Variants in GAPVD1 observed in about 807,000 individuals in gnomAD.
The protein encoded by GAPVD1 is GTPase activating protein and VPS9 domains 1.
In GAPVD1, 35 loss-of-function variants were observed where a neutral mutation model predicts 155.5. The ratio of observed to expected loss-of-function variants is 0.23; its 90% CI spans 0.17 to 0.30. The LOEUF (loss-of-function observed/expected upper bound fraction) is 0.30. Ranked by LOEUF, GAPVD1 falls within the 10% of genes least tolerant of loss-of-function variation. The pLI is 1.00. For missense variants in GAPVD1, 1,429 were observed against 1,775.7 expected (o/e 0.80, Z 3.51); for synonymous variants, 636 against 619.7 (o/e 1.03, Z -0.39).
At chr9:125,264,519 G>C (rs932694975) in intron 1 of GAPVD1, among the ~76,000 whole-genome samples, 15 of 151,894 alleles carry the variant, frequency 9.9e-5, no homozygotes, top group Non-Finnish European at 2.1e-4. Context: ...TGAAAGAATA[G>C]ACCATAGATA....
At chr9:125,268,502 T>G (rs1178526094) in intron 1 of GAPVD1, among the ~76,000 whole-genome samples, 2 of 149,544 alleles carry the variant, frequency 1.3e-5, no homozygotes, top group African/African-American at 2.5e-5. Context: ...ATTGTTTTTT[T>G]TTTTTTTTTT....
At chr9:125,333,550 G>T (rs143135328) in intron 15 of GAPVD1, among the ~76,000 whole-genome samples, 9 of 146,108 alleles carry the variant, frequency 6.2e-5, no homozygotes, top group Non-Finnish European at 1.3e-4. Flanking sequence ...GTGCAATGGC[G>T]CAATCTCGGC....
intron 2 of GAPVD1, among the ~76,000 whole-genome samples, chr9:125,285,634 A>G (rs980500979): frequency 1.2e-4 from 18 of 150,570 alleles, no homozygotes; most frequent in Admixed American, 4.0e-4. Flanking sequence ...TAATTTTTCT[A>G]TTTTTGGTTA....
At position 125,354,745 on chromosome 9, in the gene GAPVD1, T is replaced by C. The variant is rs776323578; in HGVS notation, c.3661T>C (p.Leu1221=). 38 of 1,613,668 alleles carry C rather than the reference T, an allele frequency of 2.4e-5. No individual in the cohort carries two copies. The Admixed American group carries it at 6.2e-4, about 26-fold the overall frequency. Reference sequence around the variant, plus strand: ...CCTGGAAAGGCTATTGCAAAGAGTTTTGCGGGACAAAGAAGTGGCCAATCG... The same window carrying C: ...CCTGGAAAGGCTATTGCAAAGAGTTCTGCGGGACAAAGAAGTGGCCAATCG... ...AHLERLLQRV[L]RDKEVANRYF... Residue 1221 remains leucine (L), a synonymous_variant, in exon 24 of 28, where the codon TTG becomes CTG. Transcript: ENST00000297933.
At chr9:125,270,155 A>G (rs771291652) in intron 2 of GAPVD1, among the ~76,000 whole-genome samples, 1 of 152,018 alleles carries the variant, frequency 6.6e-6, no homozygotes, top group Non-Finnish European at 1.5e-5. Context: ...CTGGCCAGGC[A>G]TGGTGGCTCA....
intron 6 of GAPVD1, 73 bp downstream of exon 6, chr9:125,305,222 TC>T: frequency 1.1e-6 from 1 of 938,672 alleles, no homozygotes; most frequent in Non-Finnish European, 1.7e-6. Flanking sequence ...TTAAATCTTG[TC>T]CTTAGGTGAT....
At chr9:125,331,772 TAATC>T (rs2131813849) in intron 13 of GAPVD1, among the ~76,000 whole-genome samples, 150 bp from the exon 14 acceptor site, 1 of 152,366 alleles carries the variant, frequency 6.6e-6, no homozygotes, top group South Asian at 2.1e-4. Context: ...ACTTAACACT[TAATC>T]TAACTAGCAT....
At chr9:125,265,024 A>G (rs1250548438) in intron 1 of GAPVD1, among the ~76,000 whole-genome samples, 1 of 152,102 alleles carries the variant, frequency 6.6e-6, no homozygotes, top group African/African-American at 2.4e-5. Context: ...TGGCCATCTT[A>G]CATTTTTTAA....
intron 6 of GAPVD1, 68 bp from the exon 7 acceptor site, chr9:125,307,345 C>A: frequency 8.9e-7 from 1 of 1,118,454 alleles, no homozygotes; most frequent in Non-Finnish European, 1.2e-6. Context: ...GCTTGTCCAC[C>A]TTAATGAGAA....
rs199683264 is a variant in GAPVD1 at position 125,307,897 on chromosome 9, G to T, written c.1441+17G>T. ...TACCTATAGGTAAAGAGAATTTCTC[G>T]TATTGGAGCTTTCTCTTAAATCTAA... On this transcript the variant is annotated intron_variant, in intron 8 of 27. Coordinates refer to ENST00000297933, the MANE Select transcript of GAPVD1 (RefSeq NM_001282680.3). 215 of 1,511,120 alleles carry T rather than the reference G, an allele frequency of 1.4e-4. 2 individuals carry two copies. The Middle Eastern group carries it at 1.7e-3, about 12-fold the overall frequency. The allele number at this position is 1,511,120 out of a possible 1,614,324, so 93.6% of individuals were successfully genotyped here.
intron 6 of GAPVD1, among the ~76,000 whole-genome samples, chr9:125,305,839 A>C (rs972189432): frequency 5.3e-5 from 8 of 151,852 alleles, no homozygotes; most frequent in African/African-American, 1.7e-4. Context: ...ATTGTTATAG[A>C]GACGAGGTCT....
chr9:125,277,213 G>A (rs1835928735), intron 2 of GAPVD1, among the ~76,000 whole-genome samples: 1 of 152,146 alleles, frequency 6.6e-6, no homozygotes, highest in Admixed American at 6.6e-5. Flanking sequence ...CCTGCTAAAT[G>A]CCAGTCACTG....
chr9:125,296,804 C>T (rs1839961675), intron 3 of GAPVD1, among the ~76,000 whole-genome samples: 2 of 151,852 alleles, frequency 1.3e-5, no homozygotes, highest in Admixed American at 1.3e-4. Context: ...GGATTGCAGC[C>T]ACCTGCCACC....
At chr9:125,317,625 C>CA (rs1204830778) in intron 9 of GAPVD1, among the ~76,000 whole-genome samples, 3,028 of 55,484 alleles carry the variant, frequency 0.055, 52 homozygotes, top group East Asian at 0.11. Flanking sequence ...AACTCTGTCT[C>CA]AAAAAAAAAA....
chr9:125,320,246 A>T (rs1421574447), intron 9 of GAPVD1, among the ~76,000 whole-genome samples: 6 of 152,222 alleles, frequency 3.9e-5, no homozygotes, highest in Admixed American at 3.9e-4. Flanking sequence ...AAAACATGCT[A>T]TGTGACTTTC....
chr9:125,300,180 T>G (rs1165981156), intron 4 of GAPVD1, among the ~76,000 whole-genome samples: 1 of 143,400 alleles, frequency 7.0e-6, no homozygotes, highest in East Asian at 2.0e-4. Flanking sequence ...AGAACATTTA[T>G]TTTATTTTTT....
intron 1 of GAPVD1, among the ~76,000 whole-genome samples, chr9:125,265,892 A>G (rs1266621706): frequency 2.8e-5 from 4 of 144,324 alleles, no homozygotes; most frequent in Non-Finnish European, 6.0e-5. Context: ...TCAAAGTGAG[A>G]CCCCTGTCTC....
rs1039779705 is a variant in GAPVD1 at position 125,269,535 on chromosome 9, G to T, written c.-150+551G>T. On this transcript the variant is annotated intron_variant, in intron 2 of 27. Coordinates refer to ENST00000297933, the MANE Select transcript of GAPVD1 (RefSeq NM_001282680.3). ...GTTGGAGTCTCGTTCTGTCGCCCAGGCTGGAGTGCAGCCTCCCGAGTAGCT... is the reference window on the plus strand; with the variant it reads ...GTTGGAGTCTCGTTCTGTCGCCCAGTCTGGAGTGCAGCCTCCCGAGTAGCT... 1.5e-4 allele frequency among the ~76,000 whole-genome samples: 23 copies of T among 151,250 alleles called. 1 individual carries two copies. Among genetic ancestry groups the T allele is most frequent in the Admixed American group, 1.5e-3 (23 of 15,134 alleles).
intron 19 of GAPVD1, among the ~76,000 whole-genome samples, chr9:125,343,439 A>T (rs1848107802): frequency 6.6e-6 from 1 of 152,176 alleles, no homozygotes; most frequent in Admixed American, 6.5e-5. Flanking sequence ...TAGGATAAGA[A>T]CATCCTCATC....
Sources: gnomAD v4.1 joint callset for allele counts (sites outside exome capture counted in the v4.1 genomes callset) on GRCh38, gnomAD v4.1.1 for gene constraint, MANE v1.5 for transcripts, NCBI Gene and HGNC (gene_info 2026-07-23, HGNC 2026-07-21) for gene names.